DNM2: variants seen among roughly 807,000 people sequenced by gnomAD.
DNM2 encodes dynamin 2.
Under a neutral mutation model 99.0 loss-of-function variants are expected in DNM2, and 15 were observed. The observed-to-expected ratio is 0.15, with a 90% CI of 0.10 to 0.23. The LOEUF (loss-of-function observed/expected upper bound fraction) is 0.23. Ranked by LOEUF, DNM2 falls within the 10% of genes least tolerant of loss-of-function variation. The pLI is 1.00. For missense variants in DNM2, 742 were observed against 1,189.4 expected, an observed-to-expected ratio of 0.62 and a Z score of 5.53; for synonymous variants, 525 against 481.2, an observed-to-expected ratio of 1.09 and a Z score of -1.19.
At chr19:10,743,809 C>CAA (rs35999203) in intron 1 of DNM2, among the ~76,000 whole-genome samples, 77 of 32,658 alleles carry the variant, frequency 2.4e-3, no homozygotes, top group African/African-American at 6.3e-3. Flanking sequence ...GACTCTGTCT[C>CAA]AAAAAAAAAA....
At chr19:10,825,019 C>G (rs1288754933) in intron 17 of DNM2, 38 bp from the exon 18 acceptor site, 2 of 1,612,766 alleles carry the variant, frequency 1.2e-6, no homozygotes, top group Non-Finnish European at 1.7e-6. Context: ...TTGGCCCAGG[C>G]CACAGTCACC....
intron 1 of DNM2, among the ~76,000 whole-genome samples, chr19:10,725,034 G>T (rs2069067613): frequency 6.6e-6 from 1 of 152,218 alleles, no homozygotes; most frequent in Non-Finnish European, 1.5e-5. Flanking sequence ...AGGGGCACGT[G>T]ATGTGTTCCT....
intron 5 of DNM2, among the ~76,000 whole-genome samples, chr19:10,781,050 T>C (rs1239372431): frequency 6.9e-6 from 1 of 144,836 alleles, no homozygotes; most frequent in South Asian, 2.2e-4. Context: ...AATCCGTGTG[T>C]GATGGTGCAC....
intron 1 of DNM2, among the ~76,000 whole-genome samples, chr19:10,746,673 G>A (rs574497407): frequency 2.7e-5 from 4 of 150,636 alleles, no homozygotes; most frequent in South Asian, 4.2e-4. Context: ...ACCTGCCTCG[G>A]TCTCCCAAAG....
At chr19:10,776,572 C>G (rs2071163119) in intron 4 of DNM2, among the ~76,000 whole-genome samples, 1 of 152,240 alleles carries the variant, frequency 6.6e-6, no homozygotes, top group Non-Finnish European at 1.5e-5. Context: ...GAGCCAGGCC[C>G]TCAGCCCCCG....
chr19:10,772,369 G>C lies in DNM2; in HGVS notation c.236-110G>C. Reference sequence around the variant, plus strand: ...GCTGGGATTACAGGCGTGAGCTACTGTGCCCAGCCTGGGTCATTACTTTCA... The same window carrying C: ...GCTGGGATTACAGGCGTGAGCTACTCTGCCCAGCCTGGGTCATTACTTTCA... On this transcript the variant is annotated intron_variant, in intron 2 of 20. Transcript: ENST00000389253. This position sits in a 1 kb window ranked among gnomAD's most constrained non-coding sequence, Gnocchi z 4.9. 6.8e-7 allele frequency: 1 copy of C among 1,463,030 alleles called. No individual in the cohort carries two copies. The highest frequency in any genetic ancestry group is 9.5e-7 in the Non-Finnish European group (1 of 1,057,922). The allele number at this position is 1,463,030 out of a possible 1,614,324, so 90.6% of individuals were successfully genotyped here. A position where few individuals can be genotyped will look rare whatever the true frequency, so the allele number is the denominator to read the frequency against.
rs796907643 is a variant in DNM2 at position 10,749,976 on chromosome 19, A to G, written c.162-9762A>G. On this transcript the variant is annotated intron_variant, in intron 1 of 20. Transcript: ENST00000389253. The stretch of plus-strand genomic sequence containing the variant: ...GTGCCAGAGAGAACTCAGAGGAGGC[A>G]GGTGCAGGGGGTGGGGCTGGGGAAC... Among the ~76,000 whole-genome samples, 84 of 152,326 alleles carry G rather than the reference A, an allele frequency of 5.5e-4. 1 individual carries two copies. The highest frequency in any genetic ancestry group is 2.0e-3 in the African/African-American group (82 of 41,592).
chr19:10,766,663 A>G (rs1270859716), intron 2 of DNM2, among the ~76,000 whole-genome samples: 1 of 151,870 alleles, frequency 6.6e-6, no homozygotes, highest in Non-Finnish European at 1.5e-5. Context: ...TCAGAGCTCC[A>G]GCTTCAGTAG....
At chr19:10,756,079 G>A (rs1431504720) in intron 1 of DNM2, among the ~76,000 whole-genome samples, 3 of 152,154 alleles carry the variant, frequency 2.0e-5, no homozygotes, top group Admixed American at 2.0e-4. Context: ...TACTTGTGGC[G>A]TTCATGAGGT....
At chr19:10,731,388 G>A (rs181128399) in intron 1 of DNM2, among the ~76,000 whole-genome samples, 64 of 147,264 alleles carry the variant, frequency 4.3e-4, no homozygotes, top group Non-Finnish European at 7.4e-4. Context: ...GAGTCTCACA[G>A]TGTCGCCCGG....
intron 1 of DNM2, among the ~76,000 whole-genome samples, chr19:10,745,388 G>A (rs1599464282): frequency 2.6e-5 from 4 of 152,280 alleles, no homozygotes; most frequent in Middle Eastern, 6.8e-3. Context: ...GGGAAAGGGC[G>A]CTTAAGACCC....
chr19:10,766,469 A>G (rs1599509395), intron 2 of DNM2, among the ~76,000 whole-genome samples: 2 of 152,040 alleles, frequency 1.3e-5, no homozygotes, highest in African/African-American at 2.4e-5. Flanking sequence ...CCTTCTGGGG[A>G]CACCTCAAAG....
Position 10,795,332 on chromosome 19 carries a change from C to T in DNM2, c.1129-40C>T, listed in dbSNP as rs199742926. The T allele has an allele frequency of 5.6e-3, 9,087 of 1,611,006 alleles. 41 individuals carry two copies. Among genetic ancestry groups the T allele is most frequent in the Non-Finnish European group, 7.0e-3 (8,245 of 1,177,358 alleles). On this transcript the variant is annotated intron_variant, in intron 8 of 20. Coordinates refer to ENST00000389253, the MANE Select transcript of DNM2 (RefSeq NM_001005361.3). This position sits in a 1 kb window ranked among gnomAD's most constrained non-coding sequence, Gnocchi z 4.2. The stretch of plus-strand genomic sequence containing the variant: ...ATGCACGCCTGCCACGGGGGCGCCC[C>T]GGGTGCCTCCATGCATGTGCTTGGT...
At chr19:10,728,465 C>T (rs982266893) in intron 1 of DNM2, among the ~76,000 whole-genome samples, 1 of 152,092 alleles carries the variant, frequency 6.6e-6, no homozygotes, top group Non-Finnish European at 1.5e-5. Context: ...ATGGTGGGCA[C>T]CATGGCGTTT....
intron 15 of DNM2, among the ~76,000 whole-genome samples, chr19:10,814,664 G>A (rs1451335023): frequency 2.6e-5 from 4 of 151,998 alleles, no homozygotes; most frequent in Admixed American, 6.6e-5. Context: ...ACCTCTGTGA[G>A]ATCCGCTCTT....
chr19:10,770,778 A>G (rs943318462), intron 2 of DNM2, among the ~76,000 whole-genome samples: 7 of 152,164 alleles, frequency 4.6e-5, no homozygotes, highest in African/African-American at 1.7e-4. Flanking sequence ...CTTATTCTCT[A>G]TCACGAGAAT....
At chr19:10,773,132 A>G (rs868054818) in intron 3 of DNM2, among the ~76,000 whole-genome samples, 40 of 144,918 alleles carry the variant, frequency 2.8e-4, no homozygotes, top group African/African-American at 9.3e-4. Flanking sequence ...GGCATGCACC[A>G]CTACACCCAG....
At chr19:10,784,840 T>TTG (rs1165946543) in intron 6 of DNM2, among the ~76,000 whole-genome samples, 1 of 147,508 alleles carries the variant, frequency 6.8e-6, no homozygotes, top group Non-Finnish European at 1.5e-5. Flanking sequence ...TTTTTTTTTT[T>TTG]TGAGACAGAG....
At chr19:10,766,824 A>G (rs979798367) in intron 2 of DNM2, among the ~76,000 whole-genome samples, 2 of 151,946 alleles carry the variant, frequency 1.3e-5, no homozygotes, top group African/African-American at 4.8e-5. Flanking sequence ...GCCCAGATTA[A>G]TCCTTTACTC....
Sources: allele counts gnomAD v4.1 joint callset (sites outside exome capture counted in the v4.1 genomes callset), GRCh38; gene constraint gnomAD v4.1.1; non-coding constraint Gnocchi (gnomAD v3.1); transcripts MANE v1.5; gene names NCBI Gene and HGNC (gene_info 2026-07-23, HGNC 2026-07-21).